Variants in SGCZ observed in about 807,000 individuals in gnomAD.
The protein encoded by SGCZ is zeta-sarcoglycan.
In SGCZ, 40 loss-of-function variants were observed where a neutral mutation model predicts 41.3. The ratio of observed to expected loss-of-function variants is 0.97; its 90% CI spans 0.75 to 1.26. SGCZ has a LOEUF of 1.26. SGCZ is among the 50% of genes most tolerant of loss of function. The pLI is 0.00. For missense variants in SGCZ, 552 were observed against 369.8 expected (o/e 1.49, Z -4.04); for synonymous variants, 206 against 137.5 (o/e 1.50, Z -3.49).
At chr8:14,421,066 T>C (rs1799624131) in intron 2 of SGCZ, among the ~76,000 whole-genome samples, 1 of 152,120 alleles carries the variant, frequency 6.6e-6, no homozygotes, top group Non-Finnish European at 1.5e-5. Flanking sequence ...TAAACTACTC[T>C]GAAATGTGAT....
At chr8:14,126,141 A>C (rs1802852176) in intron 5 of SGCZ, among the ~76,000 whole-genome samples, 1 of 152,238 alleles carries the variant, frequency 6.6e-6, no homozygotes, top group South Asian at 2.1e-4. Flanking sequence ...GATCTAATTA[A>C]ACTAAAGAGC....
At chr8:14,162,437 A>C (rs1804075015) in intron 5 of SGCZ, 1 of 152,132 alleles carries the variant, frequency 6.6e-6, no homozygotes, top group Non-Finnish European at 1.5e-5. Context: ...AGGCATTTCT[A>C]CCCTAAGGAA....
intron 1 of SGCZ, among the ~76,000 whole-genome samples, chr8:14,611,086 G>A (rs904548539): frequency 2.6e-5 from 4 of 152,008 alleles, no homozygotes; most frequent in Admixed American, 6.6e-5. Flanking sequence ...ATAATCAGCT[G>A]GATAGAGATT....
At chr8:15,003,139 G>A (rs932708111) in intron 1 of SGCZ, among the ~76,000 whole-genome samples, 3 of 152,086 alleles carry the variant, frequency 2.0e-5, no homozygotes, top group South Asian at 2.1e-4. Flanking sequence ...ATTAAAAGAG[G>A]TATATTGTTG....
intron 4 of SGCZ, among the ~76,000 whole-genome samples, chr8:14,235,184 A>G (rs982470913): frequency 2.0e-5 from 3 of 152,208 alleles, no homozygotes; most frequent in African/African-American, 7.2e-5. Flanking sequence ...ACTACTAAAT[A>G]GCTCCCTGTG....
intron 5 of SGCZ, among the ~76,000 whole-genome samples, chr8:14,113,250 C>G (rs1185655696): frequency 2.0e-5 from 3 of 152,078 alleles, no homozygotes; most frequent in African/African-American, 7.2e-5. Context: ...AACATCTTTT[C>G]TTCCACTTAC....
At chr8:14,228,506 A>G (rs1184249164) in intron 4 of SGCZ, among the ~76,000 whole-genome samples, 3 of 152,128 alleles carry the variant, frequency 2.0e-5, no homozygotes, top group Non-Finnish European at 4.4e-5. Context: ...TTTTGAATAA[A>G]CTTATATAAT....
rs1801579466 is a variant in SGCZ at position 14,088,140 on chromosome 8, G to T, written c.*2303C>A. On this transcript the variant is annotated 3_prime_UTR_variant, in exon 8 of 8. Transcript: ENST00000382080. Reference sequence around the variant, plus strand: ...ATTTCATTTTTCTCTTTTGCCTTTTGTAATTTTGAAATTAGAACTTGAATT... The same window carrying T: ...ATTTCATTTTTCTCTTTTGCCTTTTTTAATTTTGAAATTAGAACTTGAATT... Among the ~76,000 whole-genome samples, 2 of 147,192 alleles carry T rather than the reference G, an allele frequency of 1.4e-5. No homozygotes were observed. The highest frequency in any genetic ancestry group is 2.5e-5 in the African/African-American group (1 of 39,838).
intron 2 of SGCZ, among the ~76,000 whole-genome samples, chr8:14,340,583 A>C (rs73664309): frequency 0.045 from 6,823 of 152,164 alleles, 508 homozygotes; most frequent in African/African-American, 0.15. Flanking sequence ...AAGCACAAGT[A>C]CTTGTAAGTA....
At chr8:14,647,770 T>C (rs888372324) in intron 1 of SGCZ, among the ~76,000 whole-genome samples, 1 of 152,154 alleles carries the variant, frequency 6.6e-6, no homozygotes, top group African/African-American at 2.4e-5. Context: ...ACCTGGACAC[T>C]TCCTGTGTGG....
chr8:14,456,352 G>C (rs140895985), intron 2 of SGCZ, among the ~76,000 whole-genome samples: 4,784 of 152,196 alleles, frequency 0.031, 109 homozygotes, highest in East Asian at 0.074. Context: ...AGGTTGCAGA[G>C]AGCCAAGACT....
intron 5 of SGCZ, among the ~76,000 whole-genome samples, chr8:14,139,554 T>TAAAC (rs986153870): frequency 4.6e-5 from 7 of 152,052 alleles, no homozygotes; most frequent in African/African-American, 1.7e-4. Context: ...AAGAATACTA[T>TAAAC]AAACACCTCT....
intron 2 of SGCZ, among the ~76,000 whole-genome samples, chr8:14,441,909 A>T (rs1183060791): frequency 6.6e-6 from 1 of 152,168 alleles, no homozygotes; most frequent in Admixed American, 6.5e-5. Context: ...TTTTTCCAGT[A>T]TGATGTAATT....
chr8:14,780,843 T>C (rs985832138), intron 1 of SGCZ, among the ~76,000 whole-genome samples: 3 of 152,156 alleles, frequency 2.0e-5, no homozygotes, highest in African/African-American at 7.2e-5. Context: ...ATTTTTTCTT[T>C]TGGAATTGAA....
chr8:14,613,838 C>G (rs1326476003), intron 1 of SGCZ, among the ~76,000 whole-genome samples: 1 of 151,822 alleles, frequency 6.6e-6, no homozygotes, highest in East Asian at 1.9e-4. Context: ...AAATGGCAAC[C>G]AATTCACATT....
chr8:15,181,879 T>A (rs572814393), intron 1 of SGCZ, among the ~76,000 whole-genome samples: 1 of 152,262 alleles, frequency 6.6e-6, no homozygotes, highest in Non-Finnish European at 1.5e-5. Context: ...GGAGGTGAAC[T>A]TTTCCTACTC....
intron 5 of SGCZ, among the ~76,000 whole-genome samples, chr8:14,150,217 A>G (rs761622779): frequency 1.3e-5 from 2 of 152,120 alleles, no homozygotes; most frequent in Non-Finnish European, 2.9e-5. Context: ...TATGATCAAC[A>G]AAGTGAGTCA....
intron 1 of SGCZ, among the ~76,000 whole-genome samples, chr8:14,770,819 G>C (rs928461988): frequency 6.6e-6 from 1 of 151,888 alleles, no homozygotes; most frequent in Non-Finnish European, 1.5e-5. Flanking sequence ...CTCTCTTAAA[G>C]GCACAAATAA....
chr8:15,168,711 T>C (rs1478596708), intron 1 of SGCZ, among the ~76,000 whole-genome samples: 1 of 152,206 alleles, frequency 6.6e-6, no homozygotes, highest in Non-Finnish European at 1.5e-5. Flanking sequence ...CCTGAACCCC[T>C]GGGACTCCTT....
Sources: allele counts gnomAD v4.1 joint callset (sites outside exome capture counted in the v4.1 genomes callset), GRCh38; gene constraint gnomAD v4.1.1; transcripts MANE v1.5; gene names NCBI Gene and HGNC (gene_info 2026-07-23, HGNC 2026-07-21).